GPD1L: variants seen among roughly 807,000 people sequenced by gnomAD.
GPD1L encodes the protein glycerol-3-phosphate dehydrogenase 1 like, also known as glycerol-3-phosphate dehydrogenase 1-like protein.
In GPD1L, 17 loss-of-function variants were observed where a neutral mutation model predicts 32.9. The observed-to-expected ratio is 0.52, with a 90% CI of 0.35 to 0.78. GPD1L has a LOEUF of 0.78. Ranked by LOEUF, GPD1L falls within the 30% of genes least tolerant of loss-of-function variation. The pLI is 0.01. For synonymous variants in GPD1L, 187 were observed against 165.9 expected (o/e 1.13, Z -0.98); for missense variants, 361 against 447.8 (o/e 0.81, Z 1.75).
At chr3:32,108,015 C>G (rs999976233) in intron 1 of GPD1L, among the ~76,000 whole-genome samples, 2 of 152,184 alleles carry the variant, frequency 1.3e-5, no homozygotes, top group Non-Finnish European at 1.5e-5. Context: ...ACTTGAGTAG[C>G]TGGGATTACA....
At chr3:32,147,032 C>T (rs951262635) in intron 5 of GPD1L, among the ~76,000 whole-genome samples, 4 of 152,186 alleles carry the variant, frequency 2.6e-5, no homozygotes, top group African/African-American at 9.7e-5. Context: ...CAGGGTTTCA[C>T]CCAGGAGCAA....
chr3:32,110,410 T>G (rs1700230463), intron 1 of GPD1L, among the ~76,000 whole-genome samples: 1 of 152,246 alleles, frequency 6.6e-6, no homozygotes, highest in Non-Finnish European at 1.5e-5. Context: ...CTCAGGAATG[T>G]CAAGTTGCTT....
intron 4 of GPD1L, 82 bp from the exon 5 acceptor site, chr3:32,146,540 A>G (rs1305319921): frequency 3.7e-6 from 3 of 816,666 alleles, no homozygotes; most frequent in South Asian, 2.7e-5. Context: ...TAGTAAGTAG[A>G]AACTTATTTT....
chr3:32,122,165 T>C (rs1700432877), intron 1 of GPD1L, among the ~76,000 whole-genome samples: 2 of 151,974 alleles, frequency 1.3e-5, no homozygotes, highest in Admixed American at 1.3e-4. Context: ...CTGCGTTCAT[T>C]CCCTTGTGTC....
rs1559583311 is a variant in GPD1L, at chr3:32,159,590, A to G, written c.875A>G (p.Glu292Gly). 1 of 1,608,536 alleles carries G rather than the reference A, an allele frequency of 6.2e-7. No homozygotes were observed. Among genetic ancestry groups the G allele is most frequent in the Admixed American group, 1.7e-5 (1 of 60,026 alleles). ...AAGACCATTGAAGAGTTGGAGAAGG[A>G]GATGCTGAATGGGCAAAAGCTCCAA... The part of the protein sequence containing the change: ...TGKTIEELEK[E>G]MLNGQKLQGP... The change falls in exon 7 of 8, where the codon GAG becomes GGG. Residue 292 changes from glutamate to glycine, a missense_variant. By Grantham distance (98) the Glu-to-Gly change is moderately conservative (BLOSUM62 -2). Transcript: ENST00000282541.
chr3:32,160,748 G>C (rs78551694), intron 7 of GPD1L, among the ~76,000 whole-genome samples: 159 of 152,250 alleles, frequency 1.0e-3, no homozygotes, highest in African/African-American at 3.8e-3. Context: ...ACCTGATTGA[G>C]AGAGTGAGCC....
chr3:32,158,448 G>A (rs1701024213), intron 5 of GPD1L: 1 of 286,056 alleles, frequency 3.5e-6, no homozygotes, highest in Non-Finnish European at 6.8e-6. Context: ...CAGTGTGCTG[G>A]CTATGGGGGT....
At chr3:32,137,765 C>T (rs987421311) in intron 2 of GPD1L, among the ~76,000 whole-genome samples, 4 of 152,214 alleles carry the variant, frequency 2.6e-5, no homozygotes, top group Admixed American at 6.5e-5. Context: ...GGAAAGAAAT[C>T]GTCATAATAG....
intron 5 of GPD1L, among the ~76,000 whole-genome samples, chr3:32,156,155 C>T (rs952927709): frequency 1.3e-5 from 2 of 152,186 alleles, no homozygotes; most frequent in Non-Finnish European, 2.9e-5. Flanking sequence ...ACGGCTTCTG[C>T]CTTGCCTCTT....
At chr3:32,108,616 G>A (rs1700199417) in intron 1 of GPD1L, among the ~76,000 whole-genome samples, 1 of 152,228 alleles carries the variant, frequency 6.6e-6, no homozygotes, top group Admixed American at 6.5e-5. Flanking sequence ...ACCTCCTGGA[G>A]GAAAACCAGT....
At chr3:32,130,210 A>G (rs1700565816) in intron 2 of GPD1L, among the ~76,000 whole-genome samples, 1 of 151,882 alleles carries the variant, frequency 6.6e-6, no homozygotes, top group South Asian at 2.1e-4. Flanking sequence ...TGACTCCACC[A>G]CCCACCCCTG....
intron 5 of GPD1L, among the ~76,000 whole-genome samples, chr3:32,149,878 G>T (rs1054260010): frequency 2.6e-5 from 4 of 152,102 alleles, no homozygotes; most frequent in African/African-American, 9.6e-5. Context: ...GAATCTGGGA[G>T]GCAGAGGCTG....
chr3:32,159,210 T>A, intron 6 of GPD1L, 101 bp downstream of exon 6: 2 of 860,218 alleles, frequency 2.3e-6, no homozygotes, highest in Non-Finnish European at 3.8e-6. Context: ...CAGCATCTAT[T>A]TGCTGGGATT....
At chr3:32,109,790 C>T (rs921628933) in intron 1 of GPD1L, among the ~76,000 whole-genome samples, 4 of 152,232 alleles carry the variant, frequency 2.6e-5, no homozygotes, top group Non-Finnish European at 5.9e-5. Flanking sequence ...GACACAGTCC[C>T]GGTCCTTAAA....
intron 2 of GPD1L, among the ~76,000 whole-genome samples, chr3:32,129,134 G>C (rs542213602): frequency 6.6e-6 from 1 of 152,292 alleles, no homozygotes; most frequent in South Asian, 2.1e-4. Flanking sequence ...CCCCTTTGTG[G>C]CTTTCTATCA....
chr3:32,151,585 T>C (rs950405539), intron 5 of GPD1L: 1 of 218,876 alleles, frequency 4.6e-6, no homozygotes. Context: ...GCTCAAGTGA[T>C]CCTCCCGCCT....
intron 6 of GPD1L, 87 bp from the exon 7 acceptor site, chr3:32,159,476 AAAAAG>A: frequency 2.3e-6 from 2 of 886,806 alleles, no homozygotes; most frequent in Non-Finnish European, 1.8e-6. Context: ...AAAAAAAAAA[AAAAAG>A]AAAAAAAACA....
intron 2 of GPD1L, among the ~76,000 whole-genome samples, chr3:32,134,108 C>A (rs1286219172): frequency 6.6e-6 from 1 of 152,264 alleles, no homozygotes; most frequent in East Asian, 1.9e-4. Flanking sequence ...TGGCAGGAGG[C>A]TCACAAAATC....
chr3:32,136,432 C>T (rs1171296440), intron 2 of GPD1L, among the ~76,000 whole-genome samples: 1 of 152,158 alleles, frequency 6.6e-6, no homozygotes, highest in Non-Finnish European at 1.5e-5. Context: ...GGGCCAATTC[C>T]ACCCAAATGG....
Sources: allele counts gnomAD v4.1 joint callset (sites outside exome capture counted in the v4.1 genomes callset), GRCh38; gene constraint gnomAD v4.1.1; transcripts MANE v1.5; gene names NCBI Gene and HGNC (gene_info 2026-07-23, HGNC 2026-07-21).